The following CHL1 variants were observed in gnomAD, a reference collection of about 807,000 sequenced individuals.
CHL1 encodes the protein neural cell adhesion molecule L1-like protein.
A neutral mutation model predicts 141.9 loss-of-function variants in CHL1; 96 were observed. That is an observed-to-expected ratio of 0.68 (90% confidence interval 0.57 to 0.80). CHL1 has a LOEUF of 0.80. CHL1 is among the 30% of genes least tolerant of loss of function. The pLI is 0.00. For synonymous variants in CHL1, 613 were observed against 502.2 expected, an observed-to-expected ratio of 1.22 and a Z score of -2.95; for missense variants, 1,820 against 1,457.2, an observed-to-expected ratio of 1.25 and a Z score of -4.05.
chr3:386,927 G>A (rs573006941), intron 19 of CHL1, among the ~76,000 whole-genome samples: 1 of 152,032 alleles, frequency 6.6e-6, no homozygotes, highest in Non-Finnish European at 1.5e-5. Flanking sequence ...AGTATATGAA[G>A]TAACATATAT....
chr3:368,707 A>G (rs1425797124), intron 15 of CHL1, among the ~76,000 whole-genome samples: 2 of 152,126 alleles, frequency 1.3e-5, no homozygotes, highest in African/African-American at 4.8e-5. Context: ...GTTTTCTTCT[A>G]GGGTTTTTAA....
chr3:278,495 G>T (rs565054597), intron 2 of CHL1, among the ~76,000 whole-genome samples: 1 of 152,300 alleles, frequency 6.6e-6, no homozygotes, highest in South Asian at 2.1e-4. Flanking sequence ...GCAAGCGTTC[G>T]TTAGTACCTC....
intron 2 of CHL1, among the ~76,000 whole-genome samples, chr3:258,807 T>G (rs1446196082): frequency 6.6e-6 from 1 of 152,000 alleles, no homozygotes; most frequent in Non-Finnish European, 1.5e-5. Flanking sequence ...TACTTCTTTA[T>G]CCATACCCTA....
Position 343,042 on chromosome 3 carries a change from C to T in CHL1, c.727+11C>T. On this transcript the variant is annotated intron_variant, in intron 8 of 27. Transcript: ENST00000256509. ...AAATTGGTTCCAAGGGTAAGTTGAA[C>T]CCATGTGGAGTGTTGGCATTTGTGT... 1 of 1,604,232 alleles carries T rather than the reference C, an allele frequency of 6.2e-7. No individual in the cohort carries two copies. Among genetic ancestry groups the T allele is most frequent in the Non-Finnish European group, 8.5e-7 (1 of 1,175,554 alleles).
intron 2 of CHL1, among the ~76,000 whole-genome samples, chr3:292,568 T>A (rs1016682380): frequency 6.6e-6 from 1 of 152,204 alleles, no homozygotes; most frequent in African/African-American, 2.4e-5. Flanking sequence ...AAAATTGCTA[T>A]CTTATTCACA....
chr3:214,507 A>T (rs965745546), intron 1 of CHL1, among the ~76,000 whole-genome samples: 2 of 152,176 alleles, frequency 1.3e-5, no homozygotes, highest in African/African-American at 4.8e-5. Flanking sequence ...CGTTATCAAT[A>T]TTATTTTCTT....
intron 2 of CHL1, among the ~76,000 whole-genome samples, chr3:289,592 C>A (rs1037916036): frequency 6.6e-6 from 1 of 152,076 alleles, no homozygotes. Flanking sequence ...GGTTCCTGCA[C>A]GACTCTGGCC....
chr3:228,538 G>A (rs1267202222), intron 1 of CHL1, among the ~76,000 whole-genome samples: 2 of 152,016 alleles, frequency 1.3e-5, no homozygotes, highest in African/African-American at 4.8e-5. Context: ...CTACACTTAG[G>A]TTACTTTCCA....
In CHL1 at chr3:391,199, G is replaced by T. The variant is rs753477587; in HGVS notation, c.2791+40G>T. The T allele has an allele frequency of 3.5e-6, 5 of 1,448,010 alleles. No individual in the cohort carries two copies. In the Admixed American group the frequency reaches 5.1e-5, roughly 15 times the overall value. 89.7% of individuals were successfully genotyped at this position (1,448,010 alleles called of 1,614,324 possible). On this transcript the variant is annotated intron_variant, in intron 22 of 27. Transcript: ENST00000256509. ...ATGTAGAGTCATGTCAAAAATGGAG[G>T]TGATCCATGGCCATATTAAACATTC...
chr3:206,030 A>T (rs951186112), intron 1 of CHL1, among the ~76,000 whole-genome samples: 1 of 152,036 alleles, frequency 6.6e-6, no homozygotes, highest in African/African-American at 2.4e-5. Context: ...TTCACTATGG[A>T]CTAACACTCT....
chr3:250,516 T>C (rs1693590927), intron 2 of CHL1, among the ~76,000 whole-genome samples: 1 of 152,018 alleles, frequency 6.6e-6, no homozygotes, highest in South Asian at 2.1e-4. Flanking sequence ...CAGTACTGAG[T>C]TTCTATCTCC....
At chr3:231,158 A>G (rs1240249729) in intron 1 of CHL1, among the ~76,000 whole-genome samples, 1 of 152,200 alleles carries the variant, frequency 6.6e-6, no homozygotes, top group African/African-American at 2.4e-5. Context: ...TTTGTGCAGT[A>G]AAATATCTAC....
At chr3:228,708 C>T (rs370657987) in intron 1 of CHL1, among the ~76,000 whole-genome samples, 126 of 152,194 alleles carry the variant, frequency 8.3e-4, no homozygotes, top group Middle Eastern at 3.4e-3. Context: ...GGGATAGCAA[C>T]GGATTTCTAT....
chr3:314,643 G>C (rs1482557553), intron 2 of CHL1, among the ~76,000 whole-genome samples: 1 of 151,864 alleles, frequency 6.6e-6, no homozygotes, highest in Non-Finnish European at 1.5e-5. Flanking sequence ...TTAGTGGCTG[G>C]CTGGCTGTTG....
chr3:292,065 C>G (rs1408954249), intron 2 of CHL1, among the ~76,000 whole-genome samples: 1 of 152,312 alleles, frequency 6.6e-6, no homozygotes, highest in African/African-American at 2.4e-5. Context: ...GTGTTAGAAA[C>G]CGCCTATTAT....
chr3:252,299 A>G (rs1396484054), intron 2 of CHL1, among the ~76,000 whole-genome samples: 1 of 138,554 alleles, frequency 7.2e-6, no homozygotes, highest in Non-Finnish European at 1.5e-5. Context: ...CCTGCTTCTG[A>G]TTATATTTAT....
intron 1 of CHL1, among the ~76,000 whole-genome samples, chr3:208,898 G>T (rs1195228868): frequency 6.6e-6 from 1 of 152,056 alleles, no homozygotes; most frequent in Admixed American, 6.6e-5. Flanking sequence ...GATCTATATA[G>T]ATGTCCTAAA....
chr3:407,192 T>C lies in CHL1; in HGVS notation c.*1481T>C, dbSNP rs947117586. 3.3e-5 allele frequency: 5 copies of C among 152,160 alleles called. No individual in the cohort carries two copies. Among genetic ancestry groups the C allele is most frequent in the Admixed American group, 1.3e-4 (2 of 15,256 alleles). 9.4% of individuals were successfully genotyped at this position (152,160 alleles called of 1,614,324 possible). A position where few individuals can be genotyped will look rare whatever the true frequency, so the allele number is the denominator to read the frequency against. On this transcript the variant is annotated 3_prime_UTR_variant, in exon 28 of 28. Coordinates refer to ENST00000256509, the MANE Select transcript of CHL1 (RefSeq NM_006614.4). ...AGATTTTTTTAACCTTACCACGAAA[T>C]ACTTAACTACTGTTTAAGTGAATTG...
intron 2 of CHL1, chr3:282,904 G>C (rs1423156501): frequency 3.9e-5 from 6 of 152,124 alleles, no homozygotes; most frequent in African/African-American, 1.2e-4. Flanking sequence ...GGACTATACT[G>C]TATAGAATAC....
Sources: allele counts gnomAD v4.1 joint callset (sites outside exome capture counted in the v4.1 genomes callset), GRCh38; gene constraint gnomAD v4.1.1; transcripts MANE v1.5; gene names NCBI Gene and HGNC (gene_info 2026-07-23, HGNC 2026-07-21).